The following USP42 variants were observed in gnomAD, a reference collection of about 807,000 sequenced individuals.
The protein encoded by USP42 is ubiquitin carboxyl-terminal hydrolase 42.
A neutral mutation model predicts 113.0 loss-of-function variants in USP42; 23 were observed. The observed-to-expected ratio is 0.20, with a 90% CI of 0.15 to 0.29. USP42 has a LOEUF of 0.29. USP42 is among the 10% of genes least tolerant of loss of function. The pLI is 1.00. For missense variants in USP42, 2,174 were observed against 1,779.8 expected (o/e 1.22, Z -3.99); for synonymous variants, 933 against 699.0 (o/e 1.33, Z -5.28).
intron 2 of USP42, among the ~76,000 whole-genome samples, chr7:6,113,213 G>A (rs1179800308): frequency 1.3e-5 from 2 of 152,014 alleles, no homozygotes; most frequent in African/African-American, 4.8e-5. Context: ...GTTTCATATT[G>A]TGATGTGGGG....
At chr7:6,156,146 A>G (rs530789263) in intron 15 of USP42, among the ~76,000 whole-genome samples, 2 of 152,338 alleles carry the variant, frequency 1.3e-5, no homozygotes, top group African/African-American at 2.4e-5. Flanking sequence ...TTTAGTTGAC[A>G]TCTCTTGAAA....
At chr7:6,148,217 G>T (rs542295195) in intron 12 of USP42, among the ~76,000 whole-genome samples, 1 of 152,160 alleles carries the variant, frequency 6.6e-6, no homozygotes, top group Non-Finnish European at 1.5e-5. Flanking sequence ...GTGTGCTGTG[G>T]TCCCAGCTGC....
chr7:6,107,904 C>T (rs531238868), intron 1 of USP42, among the ~76,000 whole-genome samples: 2 of 152,248 alleles, frequency 1.3e-5, no homozygotes, highest in South Asian at 4.1e-4. Context: ...AATTGACAAA[C>T]ATCTTTTCTA....
chr7:6,114,125 G>A (rs1779749805), intron 2 of USP42, among the ~76,000 whole-genome samples: 1 of 152,076 alleles, frequency 6.6e-6, no homozygotes, highest in South Asian at 2.1e-4. Flanking sequence ...TGTGTACAGT[G>A]GTACCTGATA....
chr7:6,135,651 C>CAAA lies in USP42; in HGVS notation c.443-166_443-164dup, dbSNP rs1173165919. On this transcript the variant is annotated intron_variant, in intron 3 of 17. Transcript: ENST00000306177. ...TGGGTGACAGAGTGAGACTCCATCT[C>CAAA]AAAAAAAAAAAAAAAAAAAAAAAAA... 3.8e-3 allele frequency among the ~76,000 whole-genome samples: 61 copies of CAAA among 16,148 alleles called. 10 individuals are homozygous for CAAA. Among genetic ancestry groups the CAAA allele is most frequent in the East Asian group, 0.012 (11 of 922 alleles). The allele number at this position is 16,148 out of a possible 152,430, so 10.6% of individuals were successfully genotyped here. A position where few individuals can be genotyped will look rare whatever the true frequency, so the allele number is the denominator to read the frequency against.
At position 6,150,091 on chromosome 7, in the gene USP42, T is replaced by G. The variant is rs1206261035; in HGVS notation, c.1895T>G (p.Val632Gly). Reference protein sequence around the residue: ...LGKENGIGTIVSSHSPGQDAE... With the variant: ...LGKENGIGTIGSSHSPGQDAE... ...AAGGAGAATGGGATTGGTACGATTG[T>G]GAGCTCCCACTCTCCCGGCCAAGAT... The change falls in exon 13 of 18, where the codon GTG (valine) becomes GGG (glycine). Residue 632 changes from valine to glycine, a missense_variant. Val to Gly is a moderately radical substitution (Grantham distance 109). Coordinates refer to ENST00000306177, the MANE Select transcript of USP42 (RefSeq NM_032172.3). The G allele has an allele frequency of 1.2e-6, 2 of 1,610,532 alleles. No individual in the cohort carries two copies. Among genetic ancestry groups the G allele is most frequent in the African/African-American group, 2.7e-5 (2 of 74,972 alleles).
At chr7:6,100,162 A>G (rs1184027484), upstream of USP42, among the ~76,000 whole-genome samples, 1 of 149,016 alleles carries the variant, frequency 6.7e-6, no homozygotes, top group Non-Finnish European at 1.5e-5. Context: ...CCAATTTCAC[A>G]GTTCTAATGA....
rs1304385369 is a variant in USP42, at chr7:6,160,695, CCTTTT to C, written c.*181_*185del. 1 of 152,538 alleles carries C rather than the reference CCTTTT, an allele frequency of 6.6e-6. No individual in the cohort carries two copies. The highest frequency in any genetic ancestry group is 1.9e-4 in the East Asian group (1 of 5,198). 9.4% of individuals were successfully genotyped at this position (152,538 alleles called of 1,614,324 possible). On this transcript the variant is annotated 3_prime_UTR_variant, in exon 18 of 18. Coordinates refer to ENST00000306177, the MANE Select transcript of USP42 (RefSeq NM_032172.3). ...TGGAGAACTTTTTTTTTAGTTTTTA[CCTTTT>C]CTTAATTACCCTTATTCCGAATGGA...
chr7:6,090,348 T>C, the USP42 span, among the ~76,000 whole-genome samples: 1 of 142,952 alleles, frequency 7.0e-6, no homozygotes, highest in Admixed American at 7.1e-5. Flanking sequence ...ATATATATAT[T>C]TATATATATA....
chr7:6,140,298 T>G, intron 6 of USP42, 103 bp downstream of exon 6: 1 of 1,029,912 alleles, frequency 9.7e-7, no homozygotes, highest in Non-Finnish European at 1.5e-6. Flanking sequence ...GAAAAGTGCT[T>G]CTCTCCAGCC....
chr7:6,160,424 AGAAG>A (rs1183660508), intron 17 of USP42, 127 bp from the exon 18 acceptor site: 2 of 80,172 alleles, frequency 2.5e-5, no homozygotes, highest in Non-Finnish European at 2.3e-5. Context: ...AGGAAGGCAG[AGAAG>A]GCAGAGTGAT....
chr7:6,141,779 T>A (rs1231732523), intron 7 of USP42, among the ~76,000 whole-genome samples: 1 of 152,214 alleles, frequency 6.6e-6, no homozygotes, highest in Non-Finnish European at 1.5e-5. Context: ...TTTTTCTGAT[T>A]ACAGATGTAA....
intron 3 of USP42, among the ~76,000 whole-genome samples, chr7:6,118,823 A>G (rs1371620988): frequency 6.6e-6 from 1 of 152,160 alleles, no homozygotes; most frequent in Non-Finnish European, 1.5e-5. Context: ...AAAAATCAGT[A>G]AGCCATATCA....
rs1050635396 is a variant in USP42 at position 6,154,589 on chromosome 7, G to A, written c.3035G>A (p.Arg1012His). Residue 1012 changes from arginine to histidine, a missense_variant, in exon 15 of 18, where the codon CGC becomes CAC. Coordinates refer to ENST00000306177, the MANE Select transcript of USP42 (RefSeq NM_032172.3). ...HGDRLSPGER[R>H]SLGRCSHHHS... ...GACAGGCTCAGCCCTGGCGAGCGCC[G>A]CTCTCTGGGCAGGTGCAGTCACCAC... 6 of 1,572,284 alleles carry A rather than the reference G, an allele frequency of 3.8e-6. No homozygotes were observed. The African/African-American group carries it at 6.8e-5, about 18-fold the overall frequency.
At chr7:6,135,629 G>A (rs571612363) in intron 3 of USP42, among the ~76,000 whole-genome samples, 54 of 124,552 alleles carry the variant, frequency 4.3e-4, no homozygotes, top group African/African-American at 1.6e-3. Flanking sequence ...TCCAGCCTGG[G>A]TGACAGAGTG....
At chr7:6,118,618 C>G (rs1215131949) in intron 3 of USP42, among the ~76,000 whole-genome samples, 6 of 150,852 alleles carry the variant, frequency 4.0e-5, no homozygotes, top group South Asian at 2.1e-4. Flanking sequence ...AAAGTTTTAG[C>G]TTTTGTTTTT....
chr7:6,115,244 G>T, intron 2 of USP42, 79 bp from the exon 3 acceptor site: 1 of 1,394,746 alleles, frequency 7.2e-7, no homozygotes, highest in Non-Finnish European at 1.0e-6. Flanking sequence ...TAAAGATTGA[G>T]GTTTGACCAG....
In USP42 at chr7:6,155,114, T is replaced by C. The variant is rs1782365567; in HGVS notation, c.3560T>C (p.Leu1187Pro). 13 of 1,558,002 alleles carry C rather than the reference T, an allele frequency of 8.3e-6. No homozygotes were observed. Among genetic ancestry groups the C allele is most frequent in the Non-Finnish European group, 1.1e-5 (13 of 1,151,166 alleles). ...KARRSEQKDP[L>P]EEPKAKKHKK... is the part of the protein sequence containing the mutation. ...CGGAGGAGCGAACAGAAGGATCCTCTAGAAGAGCCTAAAGCAAAGAAGCAC... is the reference window on the plus strand; with the variant it reads ...CGGAGGAGCGAACAGAAGGATCCTCCAGAAGAGCCTAAAGCAAAGAAGCAC... The change falls in exon 15 of 18, where the codon CTA (leucine) becomes CCA (proline). Residue 1187 changes from leucine (L) to proline (P), a missense_variant. Coordinates refer to ENST00000306177, the MANE Select transcript of USP42 (RefSeq NM_032172.3).
chr7:6,149,917 T>G lies in USP42; in HGVS notation c.1721T>G (p.Val574Gly). Residue 574 changes from valine (V) to glycine (G), a missense_variant, in exon 13 of 18, where the codon GTT becomes GGT. Val to Gly is a moderately radical substitution (Grantham distance 109). Coordinates refer to ENST00000306177, the MANE Select transcript of USP42 (RefSeq NM_032172.3). Reference sequence around the variant, plus strand: ...ACCTCGAACGCATCTACGATGTCAGTTTCTAGTAAAGTAACAAAACCGATC... The same window carrying G: ...ACCTCGAACGCATCTACGATGTCAGGTTCTAGTAAAGTAACAAAACCGATC... ...QSTSNASTMS[V>G]SSKVTKPIPR... 1.2e-6 allele frequency: 2 copies of G among 1,614,008 alleles called. No homozygotes were observed. The highest frequency in any genetic ancestry group is 1.7e-6 in the Non-Finnish European group (2 of 1,179,894).
Sources: allele counts gnomAD v4.1 joint callset (sites outside exome capture counted in the v4.1 genomes callset), GRCh38; gene constraint gnomAD v4.1.1; transcripts MANE v1.5; gene names NCBI Gene and HGNC (gene_info 2026-07-23, HGNC 2026-07-21).